The following GPC5 variants were observed in gnomAD, a reference collection of about 807,000 sequenced individuals.
GPC5 encodes the protein glypican-5.
A neutral mutation model predicts 53.9 loss-of-function variants in GPC5; 47 were observed. That is an observed-to-expected ratio of 0.87 (90% CI 0.69 to 1.11). The LOEUF (loss-of-function observed/expected upper bound fraction) is 1.11, where lower values mean the gene tolerates loss of function less well. Among genes scored for constraint, GPC5 ranks in the 50% most tolerant of loss-of-function variants. The pLI is 0.00. For missense variants in GPC5, 748 were observed against 713.1 expected (o/e 1.05, Z -0.56); for synonymous variants, 286 against 263.3 (o/e 1.09, Z -0.84).
chr13:92,828,207 C>T (rs67916048), intron 7 of GPC5, among the ~76,000 whole-genome samples: 20,937 of 152,048 alleles, frequency 0.14, 1,596 homozygotes, highest in African/African-American at 0.2. Context: ...TTCAGAAAGA[C>T]GACTACGTAG....
intron 2 of GPC5, among the ~76,000 whole-genome samples, chr13:91,519,712 G>A (rs1885702708): frequency 6.6e-6 from 1 of 151,942 alleles, no homozygotes; most frequent in African/African-American, 2.4e-5. Context: ...ATACATATGG[G>A]GATTATATAC....
At chr13:92,139,680 A>AAAAAAAAAAAAAGTG (rs532196727) in intron 6 of GPC5, among the ~76,000 whole-genome samples, 2 of 140,808 alleles carry the variant, frequency 1.4e-5, no homozygotes, top group African/African-American at 2.6e-5. Flanking sequence ...AAAAAAAAAA[A>AAAAAAAAAAAAAGTG]AAAAAGTGTT....
chr13:92,777,196 C>A (rs189654036), intron 7 of GPC5, among the ~76,000 whole-genome samples: 1 of 151,026 alleles, frequency 6.6e-6, no homozygotes, highest in East Asian at 2.0e-4. Flanking sequence ...ACTAGCCGGG[C>A]ATGGAGGTGC....
chr13:92,766,140 TA>T (rs1037180005), intron 7 of GPC5, among the ~76,000 whole-genome samples: 3 of 152,176 alleles, frequency 2.0e-5, no homozygotes, highest in Non-Finnish European at 4.4e-5. Flanking sequence ...AGAGAATCTC[TA>T]AAGCTCTTTC....
chr13:91,768,210 A>G (rs999754023), intron 5 of GPC5, among the ~76,000 whole-genome samples: 1 of 152,176 alleles, frequency 6.6e-6, no homozygotes, highest in Admixed American at 6.5e-5. Context: ...TTCTTCAAAT[A>G]GACTACAGTG....
At chr13:91,461,942 T>C (rs1243051966) in intron 2 of GPC5, among the ~76,000 whole-genome samples, 2 of 152,106 alleles carry the variant, frequency 1.3e-5, no homozygotes, top group Non-Finnish European at 2.9e-5. Context: ...AGACCAGCCA[T>C]TGAGAACAAT....
chr13:92,239,458 A>T lies in GPC5; in HGVS notation c.1561+94469A>T, dbSNP rs114561742. Among the ~76,000 whole-genome samples, 561 of 152,124 alleles carry T rather than the reference A, an allele frequency of 3.7e-3. 6 individuals carry two copies. Among genetic ancestry groups the T allele is most frequent in the African/African-American group, 0.013 (544 of 41,550 alleles). On this transcript the variant is annotated intron_variant, in intron 7 of 7. Coordinates refer to ENST00000377067, the MANE Select transcript of GPC5 (RefSeq NM_004466.6). ...AACTTATTCCTATTTATTGTTATTA[A>T]ACCATCCATAGTGTTGCATGCATGG...
chr13:91,637,601 G>A (rs545224196), intron 2 of GPC5, among the ~76,000 whole-genome samples: 11 of 152,218 alleles, frequency 7.2e-5, no homozygotes, highest in African/African-American at 1.9e-4. Flanking sequence ...AAATAGGGAC[G>A]AACAGGAGAA....
chr13:92,553,655 A>G (rs1377752949), intron 7 of GPC5, among the ~76,000 whole-genome samples: 1 of 151,972 alleles, frequency 6.6e-6, no homozygotes, highest in Admixed American at 6.6e-5. Context: ...GCTAAATCAC[A>G]TGATCAAACC....
chr13:91,962,309 T>C (rs567902943), intron 6 of GPC5, among the ~76,000 whole-genome samples: 6 of 152,298 alleles, frequency 3.9e-5, no homozygotes, highest in Admixed American at 2.6e-4. Context: ...CAGAATTTTA[T>C]TGGAGAAATC....
intron 5 of GPC5, among the ~76,000 whole-genome samples, chr13:91,792,169 C>T (rs562587963): frequency 6.6e-6 from 1 of 152,256 alleles, no homozygotes; most frequent in East Asian, 1.9e-4. Context: ...TGGATGAAAT[C>T]AGAGGTGTCC....
At chr13:91,459,389 G>C (rs1182009295) in intron 2 of GPC5, among the ~76,000 whole-genome samples, 5 of 152,040 alleles carry the variant, frequency 3.3e-5, no homozygotes, top group Admixed American at 6.6e-5. Context: ...GTGGTGACTT[G>C]GGTGTTTGCA....
intron 7 of GPC5, among the ~76,000 whole-genome samples, chr13:92,585,252 C>A (rs1320665101): frequency 6.6e-6 from 1 of 152,156 alleles, no homozygotes; most frequent in Admixed American, 6.5e-5. Context: ...AGGCTATACC[C>A]AGCAAAGCCA....
rs142909650 is a variant in GPC5, at chr13:91,515,345, G to T, written c.325+66423G>T. On this transcript the variant is annotated intron_variant, in intron 2 of 7. Coordinates refer to ENST00000377067, the MANE Select transcript of GPC5 (RefSeq NM_004466.6). Reference sequence around the variant, plus strand: ...AAAAAACTAAATGTACATTTTTTTTGAATGGAGCATTCTTTATGGCAGGGG... The same window carrying T: ...AAAAAACTAAATGTACATTTTTTTTTAATGGAGCATTCTTTATGGCAGGGG... Among the ~76,000 whole-genome samples the T allele has an allele frequency of 1.5e-3, 232 of 151,914 alleles. 1 individual carries two copies. The highest frequency in any genetic ancestry group is 5.1e-3 in the African/African-American group (213 of 41,462).
At chr13:91,848,737 A>G (rs1188798316) in intron 5 of GPC5, among the ~76,000 whole-genome samples, 1 of 152,212 alleles carries the variant, frequency 6.6e-6, no homozygotes, top group Non-Finnish European at 1.5e-5. Context: ...TAGATTCTGA[A>G]TAGTATCATC....
At chr13:92,625,000 T>A (rs1885001100) in intron 7 of GPC5, among the ~76,000 whole-genome samples, 2 of 152,254 alleles carry the variant, frequency 1.3e-5, no homozygotes, top group South Asian at 4.1e-4. Context: ...TTTAAATCCC[T>A]GAATTTCTAT....
intron 6 of GPC5, among the ~76,000 whole-genome samples, chr13:92,127,175 T>C (rs1449110184): frequency 2.0e-5 from 3 of 152,056 alleles, no homozygotes; most frequent in African/African-American, 7.2e-5. Flanking sequence ...ACTGAACACT[T>C]GGATGAAAGC....
chr13:92,403,855 A>G (rs752745535), intron 7 of GPC5, among the ~76,000 whole-genome samples: 1 of 152,202 alleles, frequency 6.6e-6, no homozygotes, highest in Non-Finnish European at 1.5e-5. Flanking sequence ...TAAAGGGACT[A>G]TTCATAGAGC....
rs185854157 is a variant in GPC5, at chr13:91,801,803, C to T, written c.1280+45383C>T. Among the ~76,000 whole-genome samples, 682 of 152,276 alleles carry T rather than the reference C, an allele frequency of 4.5e-3. 4 individuals carry two copies. The highest frequency in any genetic ancestry group is 0.016 in the African/African-American group (657 of 41,556). On this transcript the variant is annotated intron_variant, in intron 5 of 7. Transcript: ENST00000377067. ...AAGTCACATACCAAATAGTTAGTTG[C>T]ACCAGTATTTGAATTCAAGCAGTTC...
Sources: allele counts gnomAD v4.1 joint callset (sites outside exome capture counted in the v4.1 genomes callset), GRCh38; gene constraint gnomAD v4.1.1; transcripts MANE v1.5; gene names NCBI Gene and HGNC (gene_info 2026-07-23, HGNC 2026-07-21).